TARS1: variants seen among roughly 807,000 people sequenced by gnomAD.
The protein encoded by TARS1 is threonyl-tRNA synthetase 1.
TARS1 carries 57 observed loss-of-function variants against 97.7 expected under a neutral mutation model. That is an observed-to-expected ratio of 0.58 (90% CI 0.47 to 0.73). The LOEUF (loss-of-function observed/expected upper bound fraction) is 0.73, where lower values mean the gene tolerates loss of function less well. TARS1 is among the 30% of genes least tolerant of loss of function. The pLI, the probability that TARS1 is intolerant of heterozygous loss-of-function variation, is 0.00. For synonymous variants in TARS1, 312 were observed against 293.7 expected (o/e 1.06, Z -0.64); for missense variants, 806 against 888.3 (o/e 0.91, Z 1.18).
intron 3 of TARS1, among the ~76,000 whole-genome samples, chr5:33,450,656 A>T (rs373986230): frequency 2.6e-5 from 4 of 152,200 alleles, no homozygotes; most frequent in African/African-American, 9.7e-5. Context: ...TGATTAATAG[A>T]TTCCTCTGTT....
Position 33,440,971 on chromosome 5 carries a change from A to T in TARS1, c.-116A>T, listed in dbSNP as rs1741054093. The T allele has an allele frequency of 2.8e-5, 37 of 1,326,312 alleles. No individual in the cohort carries two copies. Among genetic ancestry groups the T allele is most frequent in the Non-Finnish European group, 3.9e-5 (37 of 945,646 alleles). The allele number at this position is 1,326,312 out of a possible 1,614,324, so 82.2% of individuals were successfully genotyped here. A position where few individuals can be genotyped will look rare whatever the true frequency, so the allele number is the denominator to read the frequency against. On this transcript the variant is annotated 5_prime_UTR_variant, in exon 1 of 19. Transcript: ENST00000265112. ...CGGGGTTAGGGCGCCTTTCGATTGC[A>T]TCAGCTGGTCCAGCCGAGGCCAAGT... is the stretch of plus-strand genomic sequence containing the variant.
intron 2 of TARS1, chr5:33,446,011 T>C (rs1399143245): frequency 6.5e-6 from 1 of 153,596 alleles, no homozygotes; most frequent in East Asian, 1.9e-4. Flanking sequence ...GCAGTTAAGC[T>C]TGCCTTTCTA....
Position 33,456,165 on chromosome 5 carries a change from G to A in TARS1, c.775G>A (p.Asp259Asn). Residue 259 changes from aspartate to asparagine, a missense_variant, in exon 8 of 19, where the codon GAT (aspartate) becomes AAT (asparagine). Asp to Asn is a conservative substitution (Grantham distance 23, BLOSUM62 1). Coordinates refer to ENST00000265112, the MANE Select transcript of TARS1 (RefSeq NM_152295.5). Reference protein sequence around the residue: ...TTVYRCGPLIDLCRGPHVRHT... With the variant: ...TTVYRCGPLINLCRGPHVRHT... ...TATCTTTAGATGTGGCCCTTTGATA[G>A]ATCTCTGCCGGGGTCCTCATGTTAG... 6.2e-7 allele frequency: 1 copy of A among 1,613,960 alleles called. No individual in the cohort carries two copies. The highest frequency in any genetic ancestry group is 8.5e-7 in the Non-Finnish European group (1 of 1,179,954).
Position 33,463,158 on chromosome 5 carries a change from T to G in TARS1, c.1836-595T>G, listed in dbSNP as rs2111591420. Among the ~76,000 whole-genome samples the G allele has an allele frequency of 1.3e-5, 2 of 152,316 alleles. 1 individual carries two copies. Among genetic ancestry groups the G allele is most frequent in the Middle Eastern group, 6.8e-3 (2 of 294 alleles). Reference sequence around the variant, plus strand: ...AACAGAACAACTGAAAATAGAGGAATGATGGAGAAAAACATTAGCCTGATG... The same window carrying G: ...AACAGAACAACTGAAAATAGAGGAAGGATGGAGAAAAACATTAGCCTGATG... On this transcript the variant is annotated intron_variant, in intron 16 of 18. Transcript: ENST00000265112.
chr5:33,443,312 T>TCTCC (rs1195227425), intron 1 of TARS1, among the ~76,000 whole-genome samples: 37 of 123,578 alleles, frequency 3.0e-4, no homozygotes, highest in African/African-American at 1.2e-3. Flanking sequence ...ATTCCCTCTC[T>TCTCC]CTCTCTCCCT....
At chr5:33,453,457 A>T in intron 4 of TARS1, 45 bp downstream of exon 4, 1 of 1,609,298 alleles carries the variant, frequency 6.2e-7, no homozygotes, top group South Asian at 1.1e-5. Context: ...ATGCAGATTC[A>T]CATTTGAAGT....
chr5:33,459,007 A>G (rs1742167097), intron 10 of TARS1, among the ~76,000 whole-genome samples: 2 of 152,204 alleles, frequency 1.3e-5, no homozygotes, highest in Admixed American at 1.3e-4. Context: ...TTTATAGAGA[A>G]TAGTATATCC....
Position 33,455,070 on chromosome 5 carries a change from A to C in TARS1, c.575+4A>C, listed in dbSNP as rs1362510228. The C allele has an allele frequency of 6.2e-7, 1 of 1,613,208 alleles. No individual in the cohort carries two copies. The highest frequency in any genetic ancestry group is 1.3e-5 in the African/African-American group (1 of 74,828). Reference sequence around the variant, plus strand: ...ATGACATGTACCTCGAAGAAGGGTAAGCCATCAACTAGATAAAGAAAACTG... The same window carrying C: ...ATGACATGTACCTCGAAGAAGGGTACGCCATCAACTAGATAAAGAAAACTG... On this transcript the variant is annotated splice_donor_region_variant and intron_variant, in intron 5 of 18. Coordinates refer to ENST00000265112, the MANE Select transcript of TARS1 (RefSeq NM_152295.5).
In TARS1 at chr5:33,461,558, CAG is replaced by C. The variant is rs1483752416; in HGVS notation, c.1552-105_1552-104del. 7 of 1,167,884 alleles carry C rather than the reference CAG, an allele frequency of 6.0e-6. No individual in the cohort carries two copies. The Admixed American group carries it at 1.4e-4, about 23-fold the overall frequency. The allele number at this position is 1,167,884 out of a possible 1,614,324, so 72.3% of individuals were successfully genotyped here. ...TGTTCAGGTGGACAAAATTCTAAAGCAGAGAATATTGATCTATGAAAGTAATT... is the reference window on the plus strand; with the variant it reads ...TGTTCAGGTGGACAAAATTCTAAAGCAGAATATTGATCTATGAAAGTAATT... On this transcript the variant is annotated intron_variant, in intron 13 of 18. Coordinates refer to ENST00000265112, the MANE Select transcript of TARS1 (RefSeq NM_152295.5).
At chr5:33,456,942 G>A (rs561171525) in intron 8 of TARS1, among the ~76,000 whole-genome samples, 103 of 152,256 alleles carry the variant, frequency 6.8e-4, no homozygotes, top group African/African-American at 2.3e-3. Context: ...GACCATAAGC[G>A]CACACCACCA....
At chr5:33,459,200 A>G (rs1742174826) in intron 10 of TARS1, among the ~76,000 whole-genome samples, 2 of 152,136 alleles carry the variant, frequency 1.3e-5, no homozygotes, top group Admixed American at 6.5e-5. Flanking sequence ...GGTATATCAT[A>G]TACCAGTTTT....
At position 33,453,323 on chromosome 5, in the gene TARS1, G is replaced by A; in HGVS notation, c.364G>A (p.Val122Ile). 2.0e-6 allele frequency: 3 copies of A among 1,480,266 alleles called. No individual in the cohort carries two copies. The highest frequency in any genetic ancestry group is 2.7e-5 in the East Asian group (1 of 37,702). 91.7% of individuals were successfully genotyped at this position (1,480,266 alleles called of 1,614,324 possible). A position where few individuals can be genotyped will look rare whatever the true frequency, so the allele number is the denominator to read the frequency against. ...GGCCGACAACACCGTTATTGCTAAAGTAAATAATGTTGTGTGGGACCTGGA... is the reference window on the plus strand; with the variant it reads ...GGCCGACAACACCGTTATTGCTAAAATAAATAATGTTGTGTGGGACCTGGA... Reference protein sequence around the residue: ...GLADNTVIAKVNNVVWDLDRP... With the variant: ...GLADNTVIAKINNVVWDLDRP... Residue 122 changes from valine (V) to isoleucine (I), a missense_variant, in exon 4 of 19, where the codon GTA (valine) becomes ATA (isoleucine). This residue lies in a region of TARS1 where 356 missense variants were observed against 357.8 expected (regional missense o/e 0.99). Transcript: ENST00000265112.
intron 2 of TARS1, chr5:33,446,722 G>C: frequency 7.8e-7 from 1 of 1,289,396 alleles, no homozygotes; most frequent in Non-Finnish European, 1.0e-6. Flanking sequence ...ATTGCAAGTG[G>C]CTATGATGAT....
At chr5:33,452,401 T>C in intron 3 of TARS1, 1 of 1,535,274 alleles carries the variant, frequency 6.5e-7, no homozygotes, top group Non-Finnish European at 8.7e-7. Flanking sequence ...CTGTGGCCAT[T>C]CCCTCATCTG....
chr5:33,451,634 A>G (rs970349268), intron 3 of TARS1, among the ~76,000 whole-genome samples: 10 of 152,156 alleles, frequency 6.6e-5, no homozygotes, highest in East Asian at 1.9e-4. Flanking sequence ...CGGCCTCCCA[A>G]AGTGCTGGGA....
intron 1 of TARS1, among the ~76,000 whole-genome samples, chr5:33,443,341 C>CTCTCTCTCTCTCTCTCTT (rs1561066256): frequency 4.5e-4 from 67 of 150,542 alleles, no homozygotes; most frequent in African/African-American, 1.7e-3. Context: ...CTCTCTCTCT[C>CTCTCTCTCTCTCTCTCTT]TCTCTCTCTC....
Position 33,467,738 on chromosome 5 carries a change from A to G in TARS1, c.*30A>G, listed in dbSNP as rs1742609157. The G allele has an allele frequency of 6.3e-7, 1 of 1,595,404 alleles. No homozygotes were observed. The highest frequency in any genetic ancestry group is 2.2e-5 in the East Asian group (1 of 44,594). On this transcript the variant is annotated 3_prime_UTR_variant, in exon 19 of 19. Transcript: ENST00000265112. ...AAAATTACCCAGATTGGCTCCATGG[A>G]AAAGGAGGAACAGCGTTTCCGTAAA...
chr5:33,455,559 G>A, intron 5 of TARS1, 28 bp from the exon 6 acceptor site: 1 of 1,459,876 alleles, frequency 6.8e-7, no homozygotes, highest in African/African-American at 1.4e-5. Context: ...CGAATGGAAT[G>A]AAAAGATTAT....
chr5:33,449,707 G>T (rs1171568466), intron 3 of TARS1, among the ~76,000 whole-genome samples: 1 of 151,730 alleles, frequency 6.6e-6, no homozygotes. Context: ...CGTCCGCCTC[G>T]GCCTCCCAAA....
Sources: allele counts gnomAD v4.1 joint callset (sites outside exome capture counted in the v4.1 genomes callset), GRCh38; gene constraint gnomAD v4.1.1; regional missense constraint gnomAD v4.1.1; transcripts MANE v1.5; gene names NCBI Gene and HGNC (gene_info 2026-07-23, HGNC 2026-07-21).